Variants in IFT140 observed in about 807,000 individuals in gnomAD.
IFT140 encodes intraflagellar transport 140, also known as intraflagellar transport protein 140 homolog.
Under a neutral mutation model 164.6 loss-of-function variants are expected in IFT140, and 133 were observed. That is an observed-to-expected ratio of 0.81 (90% CI 0.70 to 0.93). The LOEUF (loss-of-function observed/expected upper bound fraction) is 0.93, where lower values mean the gene tolerates loss of function less well. Among genes scored for constraint, IFT140 ranks in the 40% least tolerant of loss-of-function variants. The pLI is 0.00. For synonymous variants in IFT140, 860 were observed against 817.3 expected, an observed-to-expected ratio of 1.05 and a Z score of -0.89; for missense variants, 2,045 against 1,972.3, an observed-to-expected ratio of 1.04 and a Z score of -0.70.
chr16:1,554,886 C>G (rs1464303469), intron 19 of IFT140: 1 of 1,614,274 alleles, frequency 6.2e-7, no homozygotes, highest in Admixed American at 1.7e-5. Flanking sequence ...TCTGGCCACG[C>G]TGGCGGCAGC....
At chr16:1,593,778 T>C (rs941432276) in intron 4 of IFT140, among the ~76,000 whole-genome samples, 1 of 152,078 alleles carries the variant, frequency 6.6e-6, no homozygotes, top group Non-Finnish European at 1.5e-5. Context: ...GGCATTGACC[T>C]CGACCACCTG....
chr16:1,555,096 A>G, intron 19 of IFT140: 1 of 1,532,766 alleles, frequency 6.5e-7, no homozygotes, highest in Non-Finnish European at 8.7e-7. Flanking sequence ...AAGGGACTCC[A>G]CCACCAAGTC....
Position 1,531,744 on chromosome 16 carries a change from C to T in IFT140, c.2400-4948G>A, listed in dbSNP as rs1057507606. 6.6e-6 allele frequency: 1 copy of T among 152,314 alleles called. No individual in the cohort carries two copies. Among genetic ancestry groups the T allele is most frequent in the Non-Finnish European group, 1.5e-5 (1 of 68,086 alleles). The allele number at this position is 152,314 out of a possible 1,614,324, so 9.4% of individuals were successfully genotyped here. On this transcript the variant is annotated intron_variant, in intron 19 of 30. Transcript: ENST00000426508. The surrounding 1 kb of genome is among the most constrained non-coding windows in gnomAD (Gnocchi z 4.7). ...CAGCTGAGGGCACAGGGACCTGGAG[C>T]ACCCCAGAAGTGCCAGGAGAGTGGA...
intron 19 of IFT140, chr16:1,534,519 G>T: frequency 6.2e-7 from 1 of 1,607,000 alleles, no homozygotes; most frequent in Non-Finnish European, 8.5e-7. Flanking sequence ...GGGCTCCGAG[G>T]CAGCCGGCTT....
At chr16:1,545,178 G>A (rs1039030684) in intron 19 of IFT140, among the ~76,000 whole-genome samples, 1 of 152,198 alleles carries the variant, frequency 6.6e-6, no homozygotes, top group African/African-American at 2.4e-5. Flanking sequence ...GGAGGCCTTC[G>A]GAGGCCTGTC....
rs771838598 is a variant in IFT140 at position 1,583,323 on chromosome 16, G to A, written c.1423C>T (p.Arg475Trp). ...GGTGAAAAGAACCCACCTGCACTCC[G>A]TATCGCGGCTCCAGAAAGCTCGAAG... Reference protein sequence around the residue: ...AIFELSGAAIRSAGTFLCETP... With the variant: ...AIFELSGAAIWSAGTFLCETP... Residue 475 changes from arginine (R) to tryptophan (W), a missense_variant, in exon 12 of 31, where the codon CGG becomes TGG. Coordinates refer to ENST00000426508, the MANE Select transcript of IFT140 (RefSeq NM_014714.4). The A allele has an allele frequency of 1.7e-5, 28 of 1,613,906 alleles. No individual in the cohort carries two copies. The highest frequency in any genetic ancestry group is 2.2e-5 in the Non-Finnish European group (26 of 1,179,914).
intron 3 of IFT140, among the ~76,000 whole-genome samples, 194 bp downstream of exon 3, chr16:1,606,914 ACCCACGTGTGCG>A (rs2036095844): frequency 6.6e-6 from 1 of 151,700 alleles, no homozygotes; most frequent in South Asian, 2.1e-4. Context: ...ATATGCACAC[ACCCACGTGTGCG>A]CACACACACA....
intron 30 of IFT140, 151 bp from the exon 31 acceptor site, chr16:1,511,301 G>GA (rs1309157857): frequency 8.2e-6 from 6 of 731,406 alleles, no homozygotes; most frequent in African/African-American, 1.7e-5. Flanking sequence ...TCCCATTGGT[G>GA]ATGGGGGAAT....
At chr16:1,574,330 G>C (rs1369357621) in intron 13 of IFT140, among the ~76,000 whole-genome samples, 1 of 151,956 alleles carries the variant, frequency 6.6e-6, no homozygotes, top group East Asian at 1.9e-4. Flanking sequence ...CCAGGCTGGA[G>C]TGTAGTTGTA....
At chr16:1,562,641 A>T (rs2033479984) in intron 17 of IFT140, among the ~76,000 whole-genome samples, 1 of 152,114 alleles carries the variant, frequency 6.6e-6, no homozygotes, top group Admixed American at 6.5e-5. Flanking sequence ...GCGTGGTGGT[A>T]GGCACTTGTA....
At chr16:1,518,078 T>C in intron 30 of IFT140, 138 bp downstream of exon 30, 1 of 789,208 alleles carries the variant, frequency 1.3e-6, no homozygotes, top group Non-Finnish European at 2.0e-6. Flanking sequence ...GCTCAAGTCA[T>C]TCTCCTGCCT....
chr16:1,535,781 C>T (rs990829323), intron 19 of IFT140, among the ~76,000 whole-genome samples: 1 of 152,250 alleles, frequency 6.6e-6, no homozygotes, highest in Admixed American at 6.5e-5. Flanking sequence ...GCCTGGACTG[C>T]GCACTTCCTC....
Position 1,584,412 on chromosome 16 carries a change from G to C in IFT140, c.1164C>G (p.Ser388=), listed in dbSNP as rs2034755498. 1 of 1,605,568 alleles carries C rather than the reference G, an allele frequency of 6.2e-7. No individual in the cohort carries two copies. Among genetic ancestry groups the C allele is most frequent in the Admixed American group, 1.7e-5 (1 of 59,056 alleles). Residue 388 remains serine, a synonymous_variant, in exon 11 of 31, where the codon TCC becomes TCG. Transcript: ENST00000426508. The stretch of plus-strand genomic sequence containing the variant: ...TGTTCACTGCCAGCAGGTTCTTCCT[G>C]GAACCCCACTTCATTTCCAGGTTGC... ...QGNITQIQWG[S]RKNLLAVNSV...
intron 26 of IFT140, 135 bp from the exon 27 acceptor site, chr16:1,520,943 G>C (rs2040509524): frequency 2.8e-6 from 2 of 711,884 alleles, no homozygotes; most frequent in African/African-American, 3.6e-5. Flanking sequence ...GGTGGGTATG[G>C]AGGGGACAAG....
At position 1,607,253 on chromosome 16, in the gene IFT140, T is replaced by C. The variant is rs1049601354; in HGVS notation, c.14A>G (p.Tyr5Cys). MALY[Y>C]DHQIEAPDAA... The stretch of plus-strand genomic sequence containing the variant: ...ATCCGGGGCTTCTATCTGGTGGTCA[T>C]AATAGAGGGCCATGACGGAACTCAG... The change falls in exon 3 of 31, where the codon TAT becomes TGT. Residue 5 changes from tyrosine (Y) to cysteine (C), a missense_variant. Physicochemically the swap from Tyr to Cys is radical, Grantham distance 194. Transcript: ENST00000426508. The C allele has an allele frequency of 6.2e-7, 1 of 1,613,804 alleles. No homozygotes were observed. Among genetic ancestry groups the C allele is most frequent in the Non-Finnish European group, 8.5e-7 (1 of 1,179,948 alleles).
chr16:1,560,404 A>G (rs2033341250), intron 18 of IFT140, among the ~76,000 whole-genome samples: 1 of 152,238 alleles, frequency 6.6e-6, no homozygotes, highest in African/African-American at 2.4e-5. Flanking sequence ...CTGTTAATTC[A>G]TCACTGCACA....
intron 15 of IFT140, 150 bp from the exon 16 acceptor site, chr16:1,566,441 G>A: frequency 1.5e-6 from 1 of 675,562 alleles, no homozygotes; most frequent in East Asian, 2.9e-5. Context: ...GGACTAGCAT[G>A]CTTTCAATAT....
intron 14 of IFT140, among the ~76,000 whole-genome samples, chr16:1,569,465 CCTTCT>C (rs2033907601): frequency 7.1e-6 from 1 of 140,890 alleles, no homozygotes; most frequent in Admixed American, 7.2e-5. Flanking sequence ...CCCTCCCTTC[CCTTCT>C]CTCCTTCCTT....
rs1376906700 is a variant in IFT140, at chr16:1,533,991, T to C, written c.2400-7195A>G. The C allele has an allele frequency of 1.9e-5, 9 of 479,252 alleles. No individual in the cohort carries two copies. Among genetic ancestry groups the C allele is most frequent in the South Asian group, 1.7e-4 (6 of 34,906 alleles). 29.7% of individuals were successfully genotyped at this position (479,252 alleles called of 1,614,324 possible). A position where few individuals can be genotyped will look rare whatever the true frequency, so the allele number is the denominator to read the frequency against. On this transcript the variant is annotated intron_variant, in intron 19 of 30. Coordinates refer to ENST00000426508, the MANE Select transcript of IFT140 (RefSeq NM_014714.4). The surrounding 1 kb of genome is among the most constrained non-coding windows in gnomAD (Gnocchi z 4.7). ...TCCGCTTCCCGGGAAGACGGCGCAC[T>C]CCTGGCCCTGGGTTCTTGCTGCTGC...
Sources: gnomAD v4.1 joint callset for allele counts (sites outside exome capture counted in the v4.1 genomes callset) on GRCh38, gnomAD v4.1.1 for gene constraint, Gnocchi (gnomAD v3.1) non-coding constraint, MANE v1.5 for transcripts, NCBI Gene and HGNC (gene_info 2026-07-23, HGNC 2026-07-21) for gene names.